The following PTPN1 variants were observed in gnomAD, a reference collection of about 807,000 sequenced individuals.
PTPN1 encodes tyrosine-protein phosphatase non-receptor type 1.
A neutral mutation model predicts 59.9 loss-of-function variants in PTPN1; 12 were observed. The ratio of observed to expected loss-of-function variants is 0.20; its 90% CI spans 0.13 to 0.32. PTPN1 has a LOEUF of 0.32. Among genes scored for constraint, PTPN1 ranks in the 10% least tolerant of loss-of-function variants. The pLI is 1.00. For synonymous variants in PTPN1, 178 were observed against 203.6 expected (o/e 0.87, Z 1.07); for missense variants, 356 against 549.2 (o/e 0.65, Z 3.52).
chr20:50,527,561 T>C (rs1306343944), intron 1 of PTPN1, among the ~76,000 whole-genome samples: 2 of 152,080 alleles, frequency 1.3e-5, no homozygotes, highest in African/African-American at 4.8e-5. Flanking sequence ...GCCAGGCTTG[T>C]TGGCATGTTG....
At chr20:50,518,073 CTG>C (rs1379550309) in intron 1 of PTPN1, among the ~76,000 whole-genome samples, 1 of 152,214 alleles carries the variant, frequency 6.6e-6, no homozygotes, top group Non-Finnish European at 1.5e-5. Flanking sequence ...TCCCTTGTCT[CTG>C]TTAAGAAACG....
chr20:50,535,784 C>G (rs1310940069), intron 1 of PTPN1, among the ~76,000 whole-genome samples: 3 of 152,092 alleles, frequency 2.0e-5, no homozygotes, highest in Non-Finnish European at 4.4e-5. Context: ...TCTTTGTATC[C>G]TCAGTACCTA....
chr20:50,557,601 A>G (rs1294252458), intron 1 of PTPN1: 1 of 152,158 alleles, frequency 6.6e-6, no homozygotes, highest in East Asian at 1.9e-4. Flanking sequence ...ATTGTACTGT[A>G]CTGTACTGTG....
chr20:50,521,698 C>T (rs552240089), intron 1 of PTPN1, among the ~76,000 whole-genome samples: 44 of 152,356 alleles, frequency 2.9e-4, no homozygotes, highest in African/African-American at 1.0e-3. Flanking sequence ...GCTTGCTTCA[C>T]GCAATGCTTT....
rs377066274 is a variant in PTPN1 at position 50,543,900 on chromosome 20, C to A, written c.64-17463C>A. On this transcript the variant is annotated intron_variant, in intron 1 of 9. Coordinates refer to ENST00000371621, the MANE Select transcript of PTPN1 (RefSeq NM_002827.4). ...TCACTCTGTCACCCAGGCTGGAGTG[C>A]AATGGTGCAATCTCGGCTCGCTACA... Among the ~76,000 whole-genome samples, 5 of 152,012 alleles carry A rather than the reference C, an allele frequency of 3.3e-5. No individual in the cohort carries two copies. The East Asian group carries it at 9.7e-4, about 29-fold the overall frequency.
chr20:50,539,982 G>C (rs757634138), intron 1 of PTPN1, among the ~76,000 whole-genome samples: 17 of 151,702 alleles, frequency 1.1e-4, no homozygotes, highest in South Asian at 4.2e-4. Context: ...AGCCTGTTAT[G>C]TGTATGTTTG....
chr20:50,549,129 C>G (rs1381778651), intron 1 of PTPN1, among the ~76,000 whole-genome samples: 1 of 152,172 alleles, frequency 6.6e-6, no homozygotes, highest in East Asian at 1.9e-4. Flanking sequence ...AACTAGTTGT[C>G]TTCTGTGTTT....
rs575775157 is a variant in PTPN1, at chr20:50,548,579, C to T, written c.64-12784C>T. On this transcript the variant is annotated intron_variant, in intron 1 of 9. Coordinates refer to ENST00000371621, the MANE Select transcript of PTPN1 (RefSeq NM_002827.4). ...TAGCTAGGAATACAGGTGTGAGAGC[C>T]GCCACACCCAGCTGATTTGTCTTAC... is the stretch of plus-strand genomic sequence containing the variant. 9.2e-5 allele frequency among the ~76,000 whole-genome samples: 14 copies of T among 152,116 alleles called. No homozygotes were observed. In the South Asian group the frequency reaches 1.2e-3, roughly 14 times the overall value.
At chr20:50,531,194 C>G (rs1371592323) in intron 1 of PTPN1, among the ~76,000 whole-genome samples, 1 of 152,174 alleles carries the variant, frequency 6.6e-6, no homozygotes, top group Non-Finnish European at 1.5e-5. Context: ...TCCAGACCAC[C>G]ACACTCACCA....
chr20:50,561,914 C>T (rs2082754455), intron 2 of PTPN1, among the ~76,000 whole-genome samples: 1 of 152,154 alleles, frequency 6.6e-6, no homozygotes, highest in African/African-American at 2.4e-5. Flanking sequence ...CCACCGCCTC[C>T]ACCCCCGCCA....
rs35277786 is a variant in PTPN1 at position 50,559,030 on chromosome 20, AT to A, written c.64-2312del. ...GTATTGAGACCTTACACGTCAGGGAATTTTTTTTTTTTTTTTTTTTTGAGAC... is the reference window on the plus strand; with the variant it reads ...GTATTGAGACCTTACACGTCAGGGAATTTTTTTTTTTTTTTTTTTTGAGAC... On this transcript the variant is annotated intron_variant, in intron 1 of 9. Transcript: ENST00000371621. Among the ~76,000 whole-genome samples, 1,142 of 119,422 alleles carry A rather than the reference AT, an allele frequency of 9.6e-3. 11 individuals carry two copies. The highest frequency in any genetic ancestry group is 0.03 in the African/African-American group (897 of 29,900). The allele number at this position is 119,422 out of a possible 152,430, so 78.3% of individuals were successfully genotyped here.
chr20:50,557,746 C>G (rs2082732191), intron 1 of PTPN1: 1 of 152,254 alleles, frequency 6.6e-6, no homozygotes, highest in African/African-American at 2.4e-5. Context: ...CATGATCCCA[C>G]TGCTGATCAG....
chr20:50,516,131 G>A (rs972202207), intron 1 of PTPN1, among the ~76,000 whole-genome samples: 2 of 152,124 alleles, frequency 1.3e-5, no homozygotes, highest in African/African-American at 4.8e-5. Flanking sequence ...CAAGCCTAGC[G>A]GGCCTTTGCA....
At chr20:50,525,426 C>T (rs548796827) in intron 1 of PTPN1, among the ~76,000 whole-genome samples, 6 of 152,332 alleles carry the variant, frequency 3.9e-5, no homozygotes, top group East Asian at 1.9e-4. Flanking sequence ...GATTGCTCCC[C>T]GTTTACCATT....
chr20:50,516,266 C>G (rs73113899), intron 1 of PTPN1, among the ~76,000 whole-genome samples: 1,721 of 151,526 alleles, frequency 0.011, 11 homozygotes, highest in Middle Eastern at 0.024. Context: ...CATTCTTTGG[C>G]CTTTGATCAG....
chr20:50,523,749 G>A (rs1216653169), intron 1 of PTPN1, among the ~76,000 whole-genome samples: 1 of 152,170 alleles, frequency 6.6e-6, no homozygotes, highest in African/African-American at 2.4e-5. Flanking sequence ...ACAGGCCTAG[G>A]CTCCAGGTGC....
intron 8 of PTPN1, among the ~76,000 whole-genome samples, chr20:50,580,888 G>C (rs1227137323): frequency 6.6e-6 from 1 of 152,194 alleles, no homozygotes; most frequent in African/African-American, 2.4e-5. Flanking sequence ...TGAGATCTGG[G>C]TGTACTGATG....
Position 50,578,626 on chromosome 20 carries a change from G to A in PTPN1, c.699G>A (p.Leu233=), listed in dbSNP as rs763041976. 2 of 1,613,096 alleles carry A rather than the reference G, an allele frequency of 1.2e-6. No homozygotes were observed. The highest frequency in any genetic ancestry group is 2.2e-5 in the South Asian group (2 of 91,072). Residue 233 remains leucine (L), a synonymous_variant, in exon 6 of 10, where the codon TTG becomes TTA. Transcript: ENST00000371621. The part of the protein sequence containing the change: ...GTFCLADTCL[L]LMDKRKDPSS... Reference sequence around the variant, plus strand: ...TCTGTCTGGCTGATACCTGCCTCTTGCTGGTAAGGAGGCCCTCGCGGGTGC... The same window carrying A: ...TCTGTCTGGCTGATACCTGCCTCTTACTGGTAAGGAGGCCCTCGCGGGTGC...
intron 1 of PTPN1, among the ~76,000 whole-genome samples, chr20:50,548,255 A>G (rs569017196): frequency 6.6e-6 from 1 of 152,130 alleles, no homozygotes; most frequent in South Asian, 2.1e-4. Context: ...CTATCTCTTA[A>G]GGTTTTTTAA....
Sources: gnomAD v4.1 joint callset for allele counts (sites outside exome capture counted in the v4.1 genomes callset) on GRCh38, gnomAD v4.1.1 for gene constraint, MANE v1.5 for transcripts, NCBI Gene and HGNC (gene_info 2026-07-23, HGNC 2026-07-21) for gene names.